The following STAT3 variants were observed in gnomAD, a reference collection of about 807,000 sequenced individuals.
The protein encoded by STAT3 is DNA-binding protein APRF.
A neutral mutation model predicts 114.3 loss-of-function variants in STAT3; 7 were observed. The ratio of observed to expected loss-of-function variants is 0.06; its 90% CI spans 0.03 to 0.11. The LOEUF is 0.11. Among genes scored for constraint, STAT3 ranks in the 10% least tolerant of loss-of-function variants. The probability of loss-of-function intolerance (pLI) is 1.00; values close to 1 mark genes in which losing one functional copy is unlikely to be tolerated. For missense variants in STAT3, 364 were observed against 960.9 expected, an observed-to-expected ratio of 0.38 and a Z score of 8.21; for synonymous variants, 331 against 354.5, an observed-to-expected ratio of 0.93 and a Z score of 0.74.
intron 14 of STAT3, among the ~76,000 whole-genome samples, chr17:42,328,541 G>A (rs2081844663): frequency 6.6e-6 from 1 of 152,148 alleles, no homozygotes; most frequent in African/African-American, 2.4e-5. Flanking sequence ...CCCAGTAACT[G>A]GGACTACAGG....
chr17:42,338,625 G>A (rs1482010572), intron 6 of STAT3, 106 bp downstream of exon 6: 10 of 1,102,662 alleles, frequency 9.1e-6, no homozygotes, highest in African/African-American at 7.6e-5. Flanking sequence ...CCTCCCTTGC[G>A]CCCCGCCCGC....
chr17:42,360,039 G>C (rs1017882272), intron 1 of STAT3, among the ~76,000 whole-genome samples: 1 of 139,948 alleles, frequency 7.1e-6, no homozygotes, highest in Non-Finnish European at 1.5e-5. Flanking sequence ...CAGCCTGGGC[G>C]GCAGAGCAAG....
chr17:42,345,421 T>C, intron 4 of STAT3, 138 bp downstream of exon 4: 1 of 754,794 alleles, frequency 1.3e-6, no homozygotes, highest in South Asian at 1.7e-5. Context: ...TTAGAGTTTT[T>C]CAATGTATTT....
chr17:42,368,656 C>T (rs1173202127), intron 1 of STAT3, among the ~76,000 whole-genome samples: 1 of 151,396 alleles, frequency 6.6e-6, no homozygotes, highest in Non-Finnish European at 1.5e-5. Flanking sequence ...GACAGGGTTT[C>T]TCCACGTTAG....
In STAT3 at chr17:42,325,070, G is replaced by T. The variant is rs375054973; in HGVS notation, c.1366-9C>A. 2.5e-6 allele frequency: 4 copies of T among 1,613,602 alleles called. No homozygotes were observed. The highest frequency in any genetic ancestry group is 1.3e-5 in the African/African-American group (1 of 74,900). On this transcript the variant is annotated splice_polypyrimidine_tract_variant and intron_variant, in intron 15 of 23. Coordinates refer to ENST00000264657, the MANE Select transcript of STAT3 (RefSeq NM_139276.3). ...ACTGGCAAGGAGTGGGTCTGCGGAG[G>T]GAGTGGGGACTGAGCTGGGGAGGCA...
intron 1 of STAT3, among the ~76,000 whole-genome samples, chr17:42,369,549 GC>G (rs1258710753): frequency 1.3e-5 from 2 of 152,102 alleles, no homozygotes; most frequent in Non-Finnish European, 2.9e-5. Flanking sequence ...ATCTATTACT[GC>G]CTGCTTTTCA....
Position 42,324,622 on chromosome 17 carries a change from T to C in STAT3, c.1600+89A>G. 1 of 1,492,100 alleles carries C rather than the reference T, an allele frequency of 6.7e-7. No individual in the cohort carries two copies. Among genetic ancestry groups the C allele is most frequent in the Admixed American group, 2.3e-5 (1 of 44,276 alleles). The allele number at this position is 1,492,100 out of a possible 1,614,324, so 92.4% of individuals were successfully genotyped here. A position where few individuals can be genotyped will look rare whatever the true frequency, so the allele number is the denominator to read the frequency against. ...TCAGGAAAGAAACATGGCCTAATGCTCAGTAGACATGGCCCAAATGAACAG... is the reference window on the plus strand; with the variant it reads ...TCAGGAAAGAAACATGGCCTAATGCCCAGTAGACATGGCCCAAATGAACAG... On this transcript the variant is annotated intron_variant, in intron 17 of 23. Coordinates refer to ENST00000264657, the MANE Select transcript of STAT3 (RefSeq NM_139276.3). The surrounding 1 kb of genome is among the most constrained non-coding windows in gnomAD (Gnocchi z 4.5).
intron 1 of STAT3, among the ~76,000 whole-genome samples, chr17:42,370,040 C>G (rs1030067740): frequency 6.6e-6 from 1 of 152,086 alleles, no homozygotes; most frequent in East Asian, 1.9e-4. Context: ...GGCGAGATCT[C>G]GGTTCACTGT....
intron 15 of STAT3, 56 bp downstream of exon 15, chr17:42,326,060 T>G: frequency 6.7e-7 from 1 of 1,486,702 alleles, no homozygotes; most frequent in South Asian, 1.1e-5. Context: ...AGTGGAAGTT[T>G]TTGTCCTGAG....
intron 6 of STAT3, among the ~76,000 whole-genome samples, 182 bp downstream of exon 6, chr17:42,338,549 G>A (rs1375260230): frequency 1.3e-5 from 2 of 148,978 alleles, no homozygotes; most frequent in East Asian, 3.9e-4. Context: ...CTGGACCTGA[G>A]GGAATACTCC....
At chr17:42,375,115 C>T (rs1029241324) in intron 1 of STAT3, among the ~76,000 whole-genome samples, 1 of 152,134 alleles carries the variant, frequency 6.6e-6, no homozygotes, top group Non-Finnish European at 1.5e-5. Flanking sequence ...ATAAAATATC[C>T]TTAATATTCA....
intron 1 of STAT3, among the ~76,000 whole-genome samples, chr17:42,357,728 T>A (rs2083296716): frequency 6.6e-6 from 1 of 151,884 alleles, no homozygotes; most frequent in African/African-American, 2.4e-5. Flanking sequence ...ACTATTAGAG[T>A]CATTCATAAT....
chr17:42,385,592 GTC>G (rs1246427194), intron 1 of STAT3, among the ~76,000 whole-genome samples: 2 of 151,838 alleles, frequency 1.3e-5, no homozygotes, highest in African/African-American at 4.8e-5. Context: ...GGACTCAGGC[GTC>G]TGGAAAGTTG....
At chr17:42,317,080 G>T (rs1162711937) in intron 22 of STAT3, 102 bp downstream of exon 22, 1 of 1,589,726 alleles carries the variant, frequency 6.3e-7, no homozygotes, top group Non-Finnish European at 8.6e-7. Flanking sequence ...TAGCCCAGGG[G>T]CTTCCAACCT....
At chr17:42,330,801 C>T (rs547544582) in intron 11 of STAT3, among the ~76,000 whole-genome samples, 1 of 152,038 alleles carries the variant, frequency 6.6e-6, no homozygotes, top group South Asian at 2.1e-4. Flanking sequence ...TGAAATTTTG[C>T]GTATTCCATT....
chr17:42,353,357 A>AG (rs2083067335), intron 1 of STAT3, among the ~76,000 whole-genome samples: 1 of 135,356 alleles, frequency 7.4e-6, no homozygotes, highest in African/African-American at 2.8e-5. Flanking sequence ...CAAAAAAAAA[A>AG]AAAAGAAAGA....
intron 8 of STAT3, 98 bp from the exon 9 acceptor site, chr17:42,334,147 A>C: frequency 7.1e-7 from 1 of 1,400,058 alleles, no homozygotes; most frequent in Non-Finnish European, 1.0e-6. Flanking sequence ...AGACCACTAC[A>C]ATAAGAACAA....
intron 1 of STAT3, among the ~76,000 whole-genome samples, chr17:42,380,298 C>T (rs1425052854): frequency 2.0e-5 from 3 of 151,652 alleles, no homozygotes; most frequent in Non-Finnish European, 2.9e-5. Context: ...GCTGGAATTA[C>T]AGGCGTGAGC....
Position 42,315,664 on chromosome 17 carries a change from T to A in STAT3, c.*81A>T. On this transcript the variant is annotated 3_prime_UTR_variant, in exon 24 of 24. Transcript: ENST00000264657. The stretch of plus-strand genomic sequence containing the variant: ...ACAAAGTTAGTAGTTTCAGATGATC[T>A]GGGGTTTGGCTGTGTGAGGGGTGGC... 7.1e-7 allele frequency: 1 copy of A among 1,399,146 alleles called. No individual in the cohort carries two copies. The highest frequency in any genetic ancestry group is 1.0e-6 in the Non-Finnish European group (1 of 984,302). The allele number at this position is 1,399,146 out of a possible 1,614,324, so 86.7% of individuals were successfully genotyped here.
Sources: gnomAD v4.1 joint callset for allele counts (sites outside exome capture counted in the v4.1 genomes callset) on GRCh38, gnomAD v4.1.1 for gene constraint, Gnocchi (gnomAD v3.1) non-coding constraint, MANE v1.5 for transcripts, NCBI Gene and HGNC (gene_info 2026-07-23, HGNC 2026-07-21) for gene names.